Variants in NLGN1 observed in about 807,000 individuals in gnomAD.
NLGN1 encodes the protein neuroligin 1.
Under a neutral mutation model 65.5 loss-of-function variants are expected in NLGN1, and 12 were observed. The observed-to-expected ratio is 0.18, with a 90% CI of 0.12 to 0.30. The LOEUF (loss-of-function observed/expected upper bound fraction) is 0.30. NLGN1 is among the 10% of genes least tolerant of loss of function. The probability of loss-of-function intolerance (pLI) is 1.00; values close to 1 mark genes in which losing one functional copy is unlikely to be tolerated. For missense variants in NLGN1, 750 were observed against 1,007.1 expected (o/e 0.74, Z 3.46); for synonymous variants, 350 against 359.5 (o/e 0.97, Z 0.30).
intron 3 of NLGN1, among the ~76,000 whole-genome samples, chr3:173,768,563 T>C (rs1310113571): frequency 6.6e-6 from 1 of 152,196 alleles, no homozygotes; most frequent in African/African-American, 2.4e-5. Context: ...GTATCACATA[T>C]GCCAAATATT....
intron 3 of NLGN1, among the ~76,000 whole-genome samples, chr3:173,796,929 T>G (rs1237580101): frequency 2.0e-5 from 3 of 152,176 alleles, no homozygotes; most frequent in African/African-American, 7.2e-5. Flanking sequence ...GCCAATTACC[T>G]TTTACAATAT....
chr3:173,885,858 AAT>A (rs935430406), intron 4 of NLGN1, among the ~76,000 whole-genome samples: 4 of 152,124 alleles, frequency 2.6e-5, no homozygotes, highest in Non-Finnish European at 5.9e-5. Flanking sequence ...TAAATACTGG[AAT>A]ATGTTAAAAC....
intron 4 of NLGN1, among the ~76,000 whole-genome samples, chr3:173,986,672 G>T (rs565914141): frequency 3.3e-5 from 5 of 152,122 alleles, no homozygotes; most frequent in Non-Finnish European, 7.4e-5. Flanking sequence ...TAGGCTGCCC[G>T]CTTCAGGTGC....
chr3:174,293,991 A>T, the NLGN1 span, among the ~76,000 whole-genome samples: 1 of 151,688 alleles, frequency 6.6e-6, no homozygotes, highest in Non-Finnish European at 1.5e-5. Context: ...AAGTACAGAT[A>T]ATTCTTCCAA....
At chr3:173,752,679 A>T (rs1393146973) in intron 3 of NLGN1, among the ~76,000 whole-genome samples, 1 of 152,040 alleles carries the variant, frequency 6.6e-6, no homozygotes, top group East Asian at 1.9e-4. Flanking sequence ...TACACTAAAC[A>T]TGGCAGGAAA....
At chr3:173,711,818 C>A (rs929724143) in intron 3 of NLGN1, among the ~76,000 whole-genome samples, 1 of 152,116 alleles carries the variant, frequency 6.6e-6, no homozygotes. Context: ...GAGACCAGAA[C>A]CTGACTGGCA....
intron 2 of NLGN1, among the ~76,000 whole-genome samples, chr3:173,450,655 G>C (rs1721323784): frequency 6.6e-6 from 1 of 152,134 alleles, no homozygotes; most frequent in Non-Finnish European, 1.5e-5. Flanking sequence ...CCTGCAGAAT[G>C]TTTTCCAACT....
At chr3:174,169,768 G>A (rs981566030) in intron 4 of NLGN1, among the ~76,000 whole-genome samples, 3 of 152,122 alleles carry the variant, frequency 2.0e-5, no homozygotes, top group African/African-American at 7.2e-5. Flanking sequence ...AGGAGAAACT[G>A]TAGCTGTAGC....
intron 4 of NLGN1, among the ~76,000 whole-genome samples, chr3:174,014,963 A>G (rs1726262641): frequency 6.6e-6 from 1 of 152,150 alleles, no homozygotes; most frequent in African/African-American, 2.4e-5. Flanking sequence ...GGCCATGAGC[A>G]GTAGGGGCAG....
intron 4 of NLGN1, among the ~76,000 whole-genome samples, chr3:174,090,711 G>A (rs1433579411): frequency 6.6e-6 from 1 of 151,068 alleles, no homozygotes; most frequent in African/African-American, 2.5e-5. Context: ...TGTACGTGAC[G>A]GAAGGTGAAA....
chr3:173,736,838 T>G (rs2150086035), intron 3 of NLGN1, among the ~76,000 whole-genome samples: 1 of 152,180 alleles, frequency 6.6e-6, no homozygotes, highest in Middle Eastern at 3.4e-3. Context: ...TTGGCCAAAA[T>G]TGATCATTAT....
At chr3:173,996,102 G>C (rs1722227490) in intron 4 of NLGN1, among the ~76,000 whole-genome samples, 1 of 152,072 alleles carries the variant, frequency 6.6e-6, no homozygotes, top group Admixed American at 6.6e-5. Context: ...GTATTTCTTT[G>C]TTGCCATTTT....
intron 1 of NLGN1, among the ~76,000 whole-genome samples, chr3:173,404,218 A>G (rs573178536): frequency 5.3e-4 from 81 of 152,232 alleles, no homozygotes; most frequent in African/African-American, 1.9e-3. Context: ...CTCTTTCTTC[A>G]GTATAAAGGA....
At chr3:173,940,028 T>G (rs950018106) in intron 4 of NLGN1, among the ~76,000 whole-genome samples, 1 of 149,554 alleles carries the variant, frequency 6.7e-6, no homozygotes, top group African/African-American at 2.4e-5. Flanking sequence ...AACTAAAACC[T>G]TGAATGAAAT....
chr3:174,145,811 A>C (rs1723117564), intron 4 of NLGN1, among the ~76,000 whole-genome samples: 2 of 152,226 alleles, frequency 1.3e-5, no homozygotes, highest in African/African-American at 4.8e-5. Flanking sequence ...AAAGTTGTTT[A>C]AATCTAAACT....
intron 4 of NLGN1, among the ~76,000 whole-genome samples, chr3:174,243,003 A>G (rs146725071): frequency 6.6e-6 from 1 of 152,160 alleles, no homozygotes. Flanking sequence ...CTTGATTTTC[A>G]TTGTCATTTC....
In NLGN1 at chr3:173,410,254, C is replaced by T. The variant is rs1295383864; in HGVS notation, c.-390+11767C>T. Among the ~76,000 whole-genome samples, 4 of 152,152 alleles carry T rather than the reference C, an allele frequency of 2.6e-5. No individual in the cohort carries two copies. The East Asian group carries it at 7.7e-4, about 29-fold the overall frequency. On this transcript the variant is annotated intron_variant, in intron 1 of 6. Transcript: ENST00000457714. ...TGGGAATAAACAAAATAACATAGCACTTTTGCCTGGCACATAAAAATGTTC... is the reference window on the plus strand; with the variant it reads ...TGGGAATAAACAAAATAACATAGCATTTTTGCCTGGCACATAAAAATGTTC...
At chr3:174,222,898 T>C (rs1358382217) in intron 4 of NLGN1, among the ~76,000 whole-genome samples, 1 of 152,198 alleles carries the variant, frequency 6.6e-6, no homozygotes, top group Non-Finnish European at 1.5e-5. Flanking sequence ...TTTGAAAATA[T>C]AACTTTTTTC....
chr3:173,852,499 G>A (rs991072180), intron 4 of NLGN1, among the ~76,000 whole-genome samples: 1 of 150,602 alleles, frequency 6.6e-6, no homozygotes, highest in Non-Finnish European at 1.5e-5. Context: ...CACATCTTGT[G>A]TTGAATTATA....
Sources: allele counts gnomAD v4.1 joint callset (sites outside exome capture counted in the v4.1 genomes callset), GRCh38; gene constraint gnomAD v4.1.1; transcripts MANE v1.5; gene names NCBI Gene and HGNC (gene_info 2026-07-23, HGNC 2026-07-21).